PLEKHA5: variants seen among roughly 807,000 people sequenced by gnomAD.
PLEKHA5 encodes pleckstrin homology domain containing A5.
PLEKHA5 carries 55 observed loss-of-function variants against 181.9 expected under a neutral mutation model. The observed-to-expected ratio is 0.30, with a 90% confidence interval of 0.24 to 0.38. The LOEUF is 0.38. Among genes scored for constraint, PLEKHA5 ranks in the 10% least tolerant of loss-of-function variants. The pLI, the probability that PLEKHA5 is intolerant of heterozygous loss-of-function variation, is 1.00. For synonymous variants in PLEKHA5, 535 were observed against 529.4 expected (o/e 1.01, Z -0.15); for missense variants, 1,432 against 1,549.5 (o/e 0.92, Z 1.27).
rs920316505 is a variant in PLEKHA5 at position 19,306,881 on chromosome 12, A to G, written c.2038-7933A>G. On this transcript the variant is annotated intron_variant, in intron 15 of 31. Transcript: ENST00000429027. ...ATATGCAGAAGGAGTTATTCCTGATAAGGCTAAGGCTTGTCTCTGTTGGCA... is the reference window on the plus strand; with the variant it reads ...ATATGCAGAAGGAGTTATTCCTGATGAGGCTAAGGCTTGTCTCTGTTGGCA... The G allele has an allele frequency of 1.9e-5, 15 of 794,484 alleles. No homozygotes were observed. In the Admixed American group the frequency reaches 2.7e-4, roughly 14 times the overall value. 49.2% of individuals were successfully genotyped at this position (794,484 alleles called of 1,614,324 possible). A position where few individuals can be genotyped will look rare whatever the true frequency, so the allele number is the denominator to read the frequency against.
intron 3 of PLEKHA5, among the ~76,000 whole-genome samples, chr12:19,178,596 T>C (rs562216318): frequency 3.9e-4 from 59 of 152,334 alleles, no homozygotes; most frequent in African/African-American, 1.4e-3. Flanking sequence ...CTCCGTAGCT[T>C]TTGAGAACCT....
intron 31 of PLEKHA5, 82 bp downstream of exon 31, chr12:19,369,880 T>C (rs1413343710): frequency 1.3e-6 from 1 of 782,186 alleles, no homozygotes; most frequent in Admixed American, 2.4e-5. Flanking sequence ...GAATCAAAAC[T>C]GGGATTAGTT....
Position 19,348,402 on chromosome 12 carries a change from C to T in PLEKHA5, c.2902C>T (p.Pro968Ser). The T allele has an allele frequency of 6.3e-7, 1 of 1,576,548 alleles. No individual in the cohort carries two copies. Among genetic ancestry groups the T allele is most frequent in the Non-Finnish European group, 8.6e-7 (1 of 1,166,388 alleles). ...GYPRNGSHCG[P>S]DYRLYKSEPE... ...AATTACATGTCTTCCTTTCAAGGGT[C>T]CAGATTATAGACTCTACAAGAGTGA... The change falls in exon 25 of 32, where the codon CCA becomes TCA. Residue 968 changes from proline (P) to serine (S), a missense_variant. Pro to Ser is a moderately conservative substitution (Grantham distance 74, BLOSUM62 -1). Coordinates refer to ENST00000429027, the MANE Select transcript of PLEKHA5 (RefSeq NM_001256470.2).
chr12:19,217,822 A>G (rs1263186726), intron 3 of PLEKHA5, among the ~76,000 whole-genome samples: 6 of 152,226 alleles, frequency 3.9e-5, no homozygotes, highest in African/African-American at 1.4e-4. Context: ...AGAAGGAGAA[A>G]GATGAAAGAG....
intron 3 of PLEKHA5, chr12:19,200,188 T>A: frequency 1.7e-6 from 1 of 605,172 alleles, no homozygotes; most frequent in Non-Finnish European, 2.8e-6. Flanking sequence ...TCCCCTCAAA[T>A]AACCTAACTT....
intron 20 of PLEKHA5, among the ~76,000 whole-genome samples, chr12:19,333,409 C>A (rs1224332919): frequency 1.3e-5 from 2 of 151,656 alleles, no homozygotes; most frequent in Admixed American, 6.6e-5. Context: ...GAAACCACGT[C>A]TCTACTAAAA....
chr12:19,205,598 A>T (rs562135536), intron 3 of PLEKHA5, among the ~76,000 whole-genome samples: 1 of 152,248 alleles, frequency 6.6e-6, no homozygotes, highest in African/African-American at 2.4e-5. Context: ...TTGTTTCTGC[A>T]GTCTAAATCT....
chr12:19,270,070 C>A lies in PLEKHA5; in HGVS notation c.828-118C>A, dbSNP rs1165688287. ...ATACACATTTTGTTAGTTTGCGATACCACCTACATTTTTATTCCACTTTTC... is the reference window on the plus strand; with the variant it reads ...ATACACATTTTGTTAGTTTGCGATAACACCTACATTTTTATTCCACTTTTC... On this transcript the variant is annotated intron_variant, in intron 9 of 31. Transcript: ENST00000429027. The A allele has an allele frequency of 2.4e-5, 16 of 655,436 alleles. No homozygotes were observed. The East Asian group carries it at 4.3e-4, about 18-fold the overall frequency. 40.6% of individuals were successfully genotyped at this position (655,436 alleles called of 1,614,324 possible).
chr12:19,263,200 T>C (rs2069084726), intron 7 of PLEKHA5, among the ~76,000 whole-genome samples: 2 of 152,242 alleles, frequency 1.3e-5, no homozygotes, highest in South Asian at 4.1e-4. Context: ...TTAGTATTTG[T>C]TGAGTACTGT....
At chr12:19,284,651 A>G (rs931365655) in intron 12 of PLEKHA5, among the ~76,000 whole-genome samples, 3 of 152,242 alleles carry the variant, frequency 2.0e-5, no homozygotes, top group Non-Finnish European at 4.4e-5. Context: ...GATTATTTGA[A>G]GTGAATTCAA....
At chr12:19,192,875 G>T (rs1340310069) in intron 3 of PLEKHA5, among the ~76,000 whole-genome samples, 2 of 152,168 alleles carry the variant, frequency 1.3e-5, no homozygotes, top group Admixed American at 1.3e-4. Context: ...TCGATTAGGG[G>T]TTAGTAACTG....
intron 3 of PLEKHA5, among the ~76,000 whole-genome samples, chr12:19,206,550 C>G (rs1430716004): frequency 6.6e-6 from 1 of 151,820 alleles, no homozygotes; most frequent in Admixed American, 6.6e-5. Context: ...CTATAAGGTG[C>G]TTTAAAGAGG....
At chr12:19,173,784 T>C (rs570659151) in intron 3 of PLEKHA5, among the ~76,000 whole-genome samples, 14 of 152,344 alleles carry the variant, frequency 9.2e-5, no homozygotes, top group Admixed American at 8.5e-4. Context: ...TTTATACTTT[T>C]TGAATTTGGC....
chr12:19,270,218 T>C lies in PLEKHA5; in HGVS notation c.845+13T>C, dbSNP rs994061245. The C allele has an allele frequency of 1.4e-6, 2 of 1,403,802 alleles. No individual in the cohort carries two copies. The highest frequency in any genetic ancestry group is 2.9e-5 in the African/African-American group (2 of 69,380). 87.0% of individuals were successfully genotyped at this position (1,403,802 alleles called of 1,614,324 possible). On this transcript the variant is annotated intron_variant, in intron 10 of 31. Transcript: ENST00000429027. ...CCTTTAATTTCCGGTGAGTACGTTT[T>C]TAATTGTTACCTTAAAGCTACACAG...
At chr12:19,365,035 G>A (rs967634684) in intron 29 of PLEKHA5, among the ~76,000 whole-genome samples, 2 of 152,068 alleles carry the variant, frequency 1.3e-5, no homozygotes, top group African/African-American at 4.8e-5. Context: ...CTAATGAAGT[G>A]CTACTTGCCC....
At chr12:19,350,860 TGTC>T (rs369953200) in intron 25 of PLEKHA5, among the ~76,000 whole-genome samples, 1 of 152,174 alleles carries the variant, frequency 6.6e-6, no homozygotes, top group African/African-American at 2.4e-5. Flanking sequence ...GGTTATCTAA[TGTC>T]GTTTTTTAAA....
intron 3 of PLEKHA5, among the ~76,000 whole-genome samples, chr12:19,192,500 C>A (rs1770064399): frequency 6.6e-6 from 1 of 152,096 alleles, no homozygotes; most frequent in African/African-American, 2.4e-5. Context: ...GAGTTCAAGA[C>A]CAGCCTGGCC....
At chr12:19,320,250 T>G (rs1302115687) in intron 17 of PLEKHA5, among the ~76,000 whole-genome samples, 194 bp downstream of exon 17, 1 of 152,110 alleles carries the variant, frequency 6.6e-6, no homozygotes, top group African/African-American at 2.4e-5. Flanking sequence ...GTCAGTTTTT[T>G]TATTAAAATA....
chr12:19,275,557 A>AGTTT (rs2074264044), intron 11 of PLEKHA5, among the ~76,000 whole-genome samples: 1 of 152,094 alleles, frequency 6.6e-6, no homozygotes, highest in Non-Finnish European at 1.5e-5. Flanking sequence ...TGATGCCAGG[A>AGTTT]GTTTGAGACC....
Sources: allele counts gnomAD v4.1 joint callset (sites outside exome capture counted in the v4.1 genomes callset), GRCh38; gene constraint gnomAD v4.1.1; transcripts MANE v1.5; gene names NCBI Gene and HGNC (gene_info 2026-07-23, HGNC 2026-07-21).